Variants in ZNF844 observed in about 807,000 individuals in gnomAD.
ZNF844 encodes the protein zinc finger protein 844.
ZNF844 carries 11 observed loss-of-function variants against 11.4 expected under a neutral mutation model. The ratio of observed to expected loss-of-function variants is 0.97; its 90% CI spans 0.61 to 1.60. The LOEUF (loss-of-function observed/expected upper bound fraction) is 1.60, where lower values mean the gene tolerates loss of function less well. ZNF844 is among the 40% of genes most tolerant of loss of function. The pLI, the probability that ZNF844 is intolerant of heterozygous loss-of-function variation, is 0.00. For missense variants in ZNF844, 790 were observed against 796.8 expected, an observed-to-expected ratio of 0.99 and a Z score of 0.10; for synonymous variants, 248 against 260.3, an observed-to-expected ratio of 0.95 and a Z score of 0.46.
chr19:12,073,931 T>C, intron 1 of ZNF844, 100 bp from the exon 2 acceptor site: 1 of 1,441,112 alleles, frequency 6.9e-7, no homozygotes, highest in Non-Finnish European at 9.3e-7. Context: ...GAATAAATGT[T>C]TGGAGTCCAC....
At chr19:12,071,702 T>G (rs1975754263) in intron 1 of ZNF844, among the ~76,000 whole-genome samples, 1 of 151,778 alleles carries the variant, frequency 6.6e-6, no homozygotes, top group Non-Finnish European at 1.5e-5. Flanking sequence ...TTAGGTTTTT[T>G]TTTTTTTTTT....
At chr19:12,065,257 G>A (rs2145539523) in intron 1 of ZNF844, among the ~76,000 whole-genome samples, 1 of 152,216 alleles carries the variant, frequency 6.6e-6, no homozygotes, top group Non-Finnish European at 1.5e-5. Context: ...GAGGCCCTCA[G>A]TGCCCCCTTT....
chr19:12,076,542 C>T lies in ZNF844; in HGVS notation c.1422C>T (p.Asn474=). 2 of 1,609,026 alleles carry T rather than the reference C, an allele frequency of 1.2e-6. No individual in the cohort carries two copies. The highest frequency in any genetic ancestry group is 1.7e-5 in the Admixed American group (1 of 59,224). The change falls in exon 4 of 4, where the codon AAC becomes AAT. Residue 474 remains asparagine (N), a synonymous_variant. Coordinates refer to ENST00000439326, the MANE Select transcript of ZNF844 (RefSeq NM_001136501.3). ...KCMEGLTLKR[N]PMNVSSVVKP... is the part of the protein sequence containing the mutation. ...TGGAAGGACTCACACTCAAGAGAAA[C>T]CCTATGAATGTAAGCAGTGTGGTAA...
chr19:12,064,981 G>T, intron 1 of ZNF844, 105 bp downstream of exon 1: 1 of 1,280,904 alleles, frequency 7.8e-7, no homozygotes, highest in Non-Finnish European at 1.1e-6. Context: ...ACCTCCCCGC[G>T]GCGACTCGAG....
rs978151693 is a variant in ZNF844 at position 12,064,803 on chromosome 19, G to A, written c.-71G>A. 16 of 1,530,320 alleles carry A rather than the reference G, an allele frequency of 1.0e-5. No homozygotes were observed. The African/African-American group carries it at 2.1e-4, about 20-fold the overall frequency. 94.8% of individuals were successfully genotyped at this position (1,530,320 alleles called of 1,614,324 possible). On this transcript the variant is annotated 5_prime_UTR_variant, in exon 1 of 4. Coordinates refer to ENST00000439326, the MANE Select transcript of ZNF844 (RefSeq NM_001136501.3). ...GCTCTGAGAGGGACCGGTTGCCACC[G>A]CCATACTTCTGTCGCCCTGTCGTCT... is the stretch of plus-strand genomic sequence containing the variant.
rs779592405 is a variant in ZNF844 at position 12,076,767 on chromosome 19, C to T, written c.1647C>T (p.Phe549=). ...TGGATCTGTCAGAAACCTTCAAATT[C>T]ATGAAAAGACACACCCTGGAGAGAA... ...KPLDLSETFK[F]MKRHTLERNP... Residue 549 remains phenylalanine (F), a synonymous_variant, in exon 4 of 4, where the codon TTC becomes TTT. Coordinates refer to ENST00000439326, the MANE Select transcript of ZNF844 (RefSeq NM_001136501.3). The T allele has an allele frequency of 6.3e-7, 1 of 1,588,222 alleles. No homozygotes were observed. Among genetic ancestry groups the T allele is most frequent in the Non-Finnish European group, 8.6e-7 (1 of 1,166,572 alleles).
rs1209098076 is a variant in ZNF844, at chr19:12,080,970, G to A, written c.*3849G>A. 1 of 152,174 alleles carries A rather than the reference G, an allele frequency of 6.6e-6. No homozygotes were observed. Among genetic ancestry groups the A allele is most frequent in the Admixed American group, 6.6e-5 (1 of 15,260 alleles). 9.4% of individuals were successfully genotyped at this position (152,174 alleles called of 1,614,324 possible). On this transcript the variant is annotated 3_prime_UTR_variant, in exon 4 of 4. Transcript: ENST00000439326. ...GGGTTTCACCATGTTGAGCAAGCTG[G>A]TCTTAAACTCCTGACCTCAAGTGAT... is the stretch of plus-strand genomic sequence containing the variant.
At position 12,078,358 on chromosome 19, in the gene ZNF844, C is replaced by G. The variant is rs955534459; in HGVS notation, c.*1237C>G. 6.6e-6 allele frequency: 1 copy of G among 151,930 alleles called. No individual in the cohort carries two copies. Among genetic ancestry groups the G allele is most frequent in the African/African-American group, 2.4e-5 (1 of 41,308 alleles). The allele number at this position is 151,930 out of a possible 1,614,324, so 9.4% of individuals were successfully genotyped here. On this transcript the variant is annotated 3_prime_UTR_variant, in exon 4 of 4. Transcript: ENST00000439326. ...GCCACACTGGTCTTGAACTCCTGAC[C>G]TGAAGTGATCCACCTGCCTTAGCCT...
intron 3 of ZNF844, among the ~76,000 whole-genome samples, 151 bp downstream of exon 3, chr19:12,074,572 A>G (rs2145547012): frequency 6.6e-6 from 1 of 152,350 alleles, no homozygotes; most frequent in Non-Finnish European, 1.5e-5. Context: ...TTTAAATGTG[A>G]TCTAGGCTGG....
chr19:12,067,439 C>G (rs1975701650), intron 1 of ZNF844, among the ~76,000 whole-genome samples: 1 of 150,120 alleles, frequency 6.7e-6, no homozygotes, highest in Non-Finnish European at 1.5e-5. Context: ...AACCCCGTCT[C>G]TACTAAAAAT....
intron 1 of ZNF844, among the ~76,000 whole-genome samples, chr19:12,073,237 G>A (rs374099693): frequency 2.6e-5 from 4 of 151,570 alleles, no homozygotes; most frequent in East Asian, 2.0e-4. Flanking sequence ...TCAGCTCACC[G>A]CAACCTCCGC....
rs150093478 is a variant in ZNF844, at chr19:12,074,474, C to T, written c.191+53C>T. 1.1e-4 allele frequency: 132 copies of T among 1,220,574 alleles called. No individual in the cohort carries two copies. Among genetic ancestry groups the T allele is most frequent in the African/African-American group, 7.8e-4 (51 of 65,096 alleles). 75.6% of individuals were successfully genotyped at this position (1,220,574 alleles called of 1,614,324 possible). On this transcript the variant is annotated intron_variant, in intron 3 of 3. Transcript: ENST00000439326. ...TGTCTCTCTAGAAAATCTCAGAATG[C>T]GAGAATATGTTAAGAAGAAGCAAAT...
At position 12,076,223 on chromosome 19, in the gene ZNF844, CTG is replaced by C. The variant is rs1409478808; in HGVS notation, c.1106_1107del (p.Val369GlyfsTer11). 2 of 1,601,168 alleles carry C rather than the reference CTG, an allele frequency of 1.2e-6. No individual in the cohort carries two copies. Among genetic ancestry groups the C allele is most frequent in the Non-Finnish European group, 1.7e-6 (2 of 1,173,870 alleles). On this transcript the variant is annotated frameshift_variant, in exon 4 of 4. Transcript: ENST00000439326. LOFTEE classifies it low-confidence loss of function (END_TRUNC). ...AGAATGAGACCTTATAAATGTAAGA[CTG>C]TGGAAAAGCCTTTGATTCTCCCAGT... is the stretch of plus-strand genomic sequence containing the variant.
chr19:12,065,558 G>A (rs1032495736), intron 1 of ZNF844, among the ~76,000 whole-genome samples: 3 of 151,980 alleles, frequency 2.0e-5, no homozygotes, highest in African/African-American at 7.2e-5. Flanking sequence ...CGCCGAAGAC[G>A]GAGACAGAGT....
chr19:12,072,178 A>G (rs1975760108), intron 1 of ZNF844, among the ~76,000 whole-genome samples: 2 of 152,152 alleles, frequency 1.3e-5, no homozygotes, highest in Non-Finnish European at 2.9e-5. Context: ...GAGCCACTGC[A>G]TCCAGCTGAA....
chr19:12,068,277 T>G (rs184528596), intron 1 of ZNF844, among the ~76,000 whole-genome samples: 1 of 151,938 alleles, frequency 6.6e-6, no homozygotes, highest in Non-Finnish European at 1.5e-5. Flanking sequence ...CCACTGGACT[T>G]CAGCCTGGGC....
chr19:12,072,986 C>G (rs778892169), intron 1 of ZNF844, among the ~76,000 whole-genome samples: 1 of 152,216 alleles, frequency 6.6e-6, no homozygotes, highest in Non-Finnish European at 1.5e-5. Context: ...GCTCCAGCAT[C>G]ATGGGGTGCC....
rs777726636 is a variant in ZNF844, at chr19:12,076,732, A to G, written c.1612A>G (p.Lys538Glu). ...ESNCMNLNNV[K>E]KPLDLSETFK... ...CAACTGTATGAATCTAAACAATGTG[A>G]AAAAACCTTTGGATCTGTCAGAAAC... Residue 538 changes from lysine (K) to glutamate (E), a missense_variant, in exon 4 of 4, where the codon AAA becomes GAA. Lys to Glu is a moderately conservative substitution (Grantham distance 56). Coordinates refer to ENST00000439326, the MANE Select transcript of ZNF844 (RefSeq NM_001136501.3). 6 of 1,610,162 alleles carry G rather than the reference A, an allele frequency of 3.7e-6. No individual in the cohort carries two copies. The Admixed American group carries it at 8.5e-5, about 23-fold the overall frequency.
chr19:12,075,742 TGTC>T lies in ZNF844; in HGVS notation c.623_625del (p.Cys208_Leu209delinsPhe). On this transcript the variant is annotated inframe_deletion, in exon 4 of 4. Transcript: ENST00000439326. ...TAAGTTTTGTGGGAAAGCCTGCCCTTGTCTCAGCATATATCTTATACATGAACG... is the reference window on the plus strand; with the variant it reads ...TAAGTTTTGTGGGAAAGCCTGCCCTTTCAGCATATATCTTATACATGAACG... 3 of 1,613,968 alleles carry T rather than the reference TGTC, an allele frequency of 1.9e-6. No homozygotes were observed. Among genetic ancestry groups the T allele is most frequent in the Non-Finnish European group, 2.5e-6 (3 of 1,179,970 alleles).
Sources: allele counts gnomAD v4.1 joint callset (sites outside exome capture counted in the v4.1 genomes callset), GRCh38; gene constraint gnomAD v4.1.1; transcripts MANE v1.5; gene names NCBI Gene and HGNC (gene_info 2026-07-23, HGNC 2026-07-21).